The following BMPR1A variants were observed in gnomAD, a reference collection of about 807,000 sequenced individuals.
BMPR1A encodes the protein bone morphogenetic protein receptor type 1A.
Under a neutral mutation model 66.0 loss-of-function variants are expected in BMPR1A, and 7 were observed. The ratio of observed to expected loss-of-function variants is 0.11; its 90% CI spans 0.06 to 0.20. The LOEUF (loss-of-function observed/expected upper bound fraction) is 0.20. Ranked by LOEUF, BMPR1A falls within the 10% of genes least tolerant of loss-of-function variation. The pLI is 1.00. For missense variants in BMPR1A, 408 were observed against 669.1 expected, an observed-to-expected ratio of 0.61 and a Z score of 4.31; for synonymous variants, 200 against 229.7, an observed-to-expected ratio of 0.87 and a Z score of 1.17.
At chr10:86,884,982 C>T (rs12269120) in intron 3 of BMPR1A, among the ~76,000 whole-genome samples, 9,189 of 152,242 alleles carry the variant, frequency 0.06, 642 homozygotes, top group African/African-American at 0.17. Context: ...TAAGCCTAAT[C>T]ATTCACATAT....
intron 1 of BMPR1A, among the ~76,000 whole-genome samples, chr10:86,789,534 G>A (rs184920317): frequency 6.6e-6 from 1 of 152,072 alleles, no homozygotes; most frequent in African/African-American, 2.4e-5. Context: ...CCAACATGGT[G>A]AAACGCCATC....
chr10:86,804,244 G>T (rs1841853093), intron 1 of BMPR1A, among the ~76,000 whole-genome samples: 4 of 151,998 alleles, frequency 2.6e-5, no homozygotes, highest in African/African-American at 9.7e-5. Context: ...GTATCACATA[G>T]TTTTCTTTTA....
intron 1 of BMPR1A, among the ~76,000 whole-genome samples, chr10:86,789,984 G>A (rs190070934): frequency 4.0e-4 from 60 of 149,230 alleles, no homozygotes; most frequent in East Asian, 9.8e-4. Flanking sequence ...GCGAAACCCC[G>A]TCTCCACTAA....
chr10:86,832,222 C>T (rs1258643231), intron 1 of BMPR1A, among the ~76,000 whole-genome samples: 1 of 152,138 alleles, frequency 6.6e-6, no homozygotes, highest in East Asian at 1.9e-4. Flanking sequence ...AATCCCAGCA[C>T]TCTGGGAGGC....
Position 86,926,523 on chromosome 10 carries a change from TAAAC to T in BMPR1A, c.*2812_*2815del, listed in dbSNP as rs752584209. On this transcript the variant is annotated 3_prime_UTR_variant, in exon 13 of 13. Coordinates refer to ENST00000372037, the MANE Select transcript of BMPR1A (RefSeq NM_004329.3). ...CAAAAGAGCGAAACTCCATCTCAAATAAACAAACAAATAAATAACAAAAAACAAA... is the reference window on the plus strand; with the variant it reads ...CAAAAGAGCGAAACTCCATCTCAAATAAACAAATAAATAACAAAAAACAAA... The T allele has an allele frequency of 2.0e-4, 34 of 170,388 alleles. No individual in the cohort carries two copies. The highest frequency in any genetic ancestry group is 8.9e-4 in the Admixed American group (14 of 15,654). 10.6% of individuals were successfully genotyped at this position (170,388 alleles called of 1,614,324 possible). A position where few individuals can be genotyped will look rare whatever the true frequency, so the allele number is the denominator to read the frequency against.
At chr10:86,874,322 T>C (rs1842891226) in intron 2 of BMPR1A, among the ~76,000 whole-genome samples, 1 of 152,182 alleles carries the variant, frequency 6.6e-6, no homozygotes, top group Non-Finnish European at 1.5e-5. Flanking sequence ...GAAGTTCAGT[T>C]TCATCTTAAT....
At chr10:86,906,176 T>C (rs1843384264) in intron 7 of BMPR1A, among the ~76,000 whole-genome samples, 1 of 152,216 alleles carries the variant, frequency 6.6e-6, no homozygotes, top group African/African-American at 2.4e-5. Flanking sequence ...CTTAAAGCTG[T>C]CACTCATTAT....
At chr10:86,862,003 T>C (rs978355517) in intron 2 of BMPR1A, among the ~76,000 whole-genome samples, 14 of 152,210 alleles carry the variant, frequency 9.2e-5, no homozygotes, top group African/African-American at 3.4e-4. Context: ...CCTCAATAAA[T>C]ATTTATTTAG....
chr10:86,880,989 C>T (rs182634464), intron 3 of BMPR1A, among the ~76,000 whole-genome samples: 3 of 152,098 alleles, frequency 2.0e-5, no homozygotes, highest in Admixed American at 2.0e-4. Flanking sequence ...TCACTTGAGC[C>T]TCAAGAGTTT....
chr10:86,868,479 A>G (rs1012745470), intron 2 of BMPR1A, among the ~76,000 whole-genome samples: 2 of 152,234 alleles, frequency 1.3e-5, no homozygotes, highest in African/African-American at 2.4e-5. Flanking sequence ...CAGGCCCTGG[A>G]TAAGGAGCAG....
chr10:86,882,739 C>T (rs1034560126), intron 3 of BMPR1A, among the ~76,000 whole-genome samples: 10 of 150,686 alleles, frequency 6.6e-5, no homozygotes, highest in South Asian at 4.2e-4. Context: ...CTGAGACGGG[C>T]GGATCACCTG....
chr10:86,889,954 AC>A, intron 3 of BMPR1A, 107 bp from the exon 4 acceptor site: 1 of 1,178,978 alleles, frequency 8.5e-7, no homozygotes, highest in Non-Finnish European at 1.2e-6. Flanking sequence ...CATGCTAGCT[AC>A]AATTATTGTG....
chr10:86,764,450 A>C (rs1841131568), intron 1 of BMPR1A, among the ~76,000 whole-genome samples: 1 of 152,152 alleles, frequency 6.6e-6, no homozygotes, highest in Non-Finnish European at 1.5e-5. Flanking sequence ...ATAATCTTTT[A>C]TTTAATAAAA....
At position 86,841,208 on chromosome 10, in the gene BMPR1A, T is replaced by A. The variant is rs180720335; in HGVS notation, c.-153+2229T>A. Among the ~76,000 whole-genome samples the A allele has an allele frequency of 9.7e-4, 148 of 152,324 alleles. 1 individual carries two copies. The highest frequency in any genetic ancestry group is 3.4e-3 in the Middle Eastern group (1 of 294). On this transcript the variant is annotated intron_variant, in intron 2 of 12. Coordinates refer to ENST00000372037, the MANE Select transcript of BMPR1A (RefSeq NM_004329.3). ...TGCAAAACATTAAATAAAAACAGGT[T>A]CCTAGCTATACTCAAAAAATAGTCT...
At chr10:86,916,265 T>C (rs1843565836) in intron 8 of BMPR1A, among the ~76,000 whole-genome samples, 1 of 152,206 alleles carries the variant, frequency 6.6e-6, no homozygotes, top group African/African-American at 2.4e-5. Flanking sequence ...TTAACTGTTA[T>C]TTGGACTTTG....
At chr10:86,921,349 AT>A (rs1162475950) in intron 10 of BMPR1A, among the ~76,000 whole-genome samples, 170 bp from the exon 11 acceptor site, 1 of 152,182 alleles carries the variant, frequency 6.6e-6, no homozygotes, top group Non-Finnish European at 1.5e-5. Context: ...CCTGCTGAGG[AT>A]GTCATGTAGT....
intron 1 of BMPR1A, among the ~76,000 whole-genome samples, chr10:86,815,422 G>GTTCATCAGGGC (rs1213418135): frequency 1.3e-5 from 2 of 152,114 alleles, no homozygotes; most frequent in Non-Finnish European, 2.9e-5. Flanking sequence ...TCATTTTCAA[G>GTTCATCAGGGC]TTCATCAGGG....
chr10:86,778,931 T>TTG (rs1445287254), intron 1 of BMPR1A, among the ~76,000 whole-genome samples: 1 of 150,060 alleles, frequency 6.7e-6, no homozygotes, highest in African/African-American at 2.4e-5. Flanking sequence ...TATTTTCTTT[T>TTG]TTTTTTTTTT....
chr10:86,908,133 G>A (rs1214066709), intron 7 of BMPR1A, among the ~76,000 whole-genome samples: 2 of 152,146 alleles, frequency 1.3e-5, no homozygotes, highest in South Asian at 2.1e-4. Flanking sequence ...GAGCCCAGGA[G>A]GCGGAGGTTG....
Sources: allele counts gnomAD v4.1 joint callset (sites outside exome capture counted in the v4.1 genomes callset), GRCh38; gene constraint gnomAD v4.1.1; transcripts MANE v1.5; gene names NCBI Gene and HGNC (gene_info 2026-07-23, HGNC 2026-07-21).